AMBRA1: variants seen among roughly 807,000 people sequenced by gnomAD.
The protein encoded by AMBRA1 is activating molecule in BECN1-regulated autophagy protein 1.
A neutral mutation model predicts 125.4 loss-of-function variants in AMBRA1; 47 were observed. That is an observed-to-expected ratio of 0.37 (90% CI 0.30 to 0.48). AMBRA1 has a LOEUF of 0.48. AMBRA1 is among the 20% of genes least tolerant of loss of function. The pLI is 0.99. For missense variants in AMBRA1, 1,331 were observed against 1,693.4 expected, an observed-to-expected ratio of 0.79 and a Z score of 3.76; for synonymous variants, 626 against 655.5, an observed-to-expected ratio of 0.95 and a Z score of 0.69.
chr11:46,508,245 G>A lies in AMBRA1; in HGVS notation c.2285C>T (p.Ser762Leu). Residue 762 changes from serine to leucine, a missense_variant, in exon 9 of 18, where the codon TCA becomes TTA. Physicochemically the swap from Ser to Leu is moderately radical, Grantham distance 145. This residue lies in a region of AMBRA1 where 689 missense variants were observed against 776.5 expected (regional missense o/e 0.89). Coordinates refer to ENST00000683756, the MANE Select transcript of AMBRA1 (RefSeq NM_001387011.1). The part of the protein sequence containing the change: ...RLRSSTSSSS[S>L]DNQGPSVEGT... Reference sequence around the variant, plus strand: ...CTCTACTGATGGACCCTGGTTGTCTGAGGAAGAGGAGGAGGTGGAAGAACG... The same window carrying A: ...CTCTACTGATGGACCCTGGTTGTCTAAGGAAGAGGAGGAGGTGGAAGAACG... 2 of 1,614,218 alleles carry A rather than the reference G, an allele frequency of 1.2e-6. No homozygotes were observed. Among genetic ancestry groups the A allele is most frequent in the Non-Finnish European group, 1.7e-6 (2 of 1,180,020 alleles).
chr11:46,413,551 T>C (rs905625060), intron 15 of AMBRA1, among the ~76,000 whole-genome samples: 1 of 152,166 alleles, frequency 6.6e-6, no homozygotes, highest in African/African-American at 2.4e-5. Context: ...AGTGCAATGG[T>C]GTGATCTCGG....
intron 17 of AMBRA1, among the ~76,000 whole-genome samples, chr11:46,400,474 T>TG (rs149730071): frequency 1.1e-4 from 4 of 36,384 alleles, no homozygotes; most frequent in African/African-American, 5.2e-4. Context: ...CTTTCTATAG[T>TG]TTTTTTTTTT....
chr11:46,494,756 T>A (rs192006218), intron 9 of AMBRA1: 1 of 153,230 alleles, frequency 6.5e-6, no homozygotes, highest in Admixed American at 6.5e-5. Context: ...GACAGTACCT[T>A]CTTTTACAGA....
chr11:46,489,546 G>GT (rs1950392597), intron 11 of AMBRA1, among the ~76,000 whole-genome samples: 1 of 152,230 alleles, frequency 6.6e-6, no homozygotes, highest in African/African-American at 2.4e-5. Context: ...GGACCAGGCC[G>GT]TAATGACCTG....
rs535035109 is a variant in AMBRA1 at position 46,437,284 on chromosome 11, A to G, written c.2633-2247T>C. On this transcript the variant is annotated intron_variant, in intron 12 of 17. Coordinates refer to ENST00000683756, the MANE Select transcript of AMBRA1 (RefSeq NM_001387011.1). Reference sequence around the variant, plus strand: ...GCCACTGTGCTTGCATTTGTATTATATGATGACGATTCCAAGTCAATAGCT... The same window carrying G: ...GCCACTGTGCTTGCATTTGTATTATGTGATGACGATTCCAAGTCAATAGCT... Among the ~76,000 whole-genome samples, 3 of 152,332 alleles carry G rather than the reference A, an allele frequency of 2.0e-5. No homozygotes were observed. The South Asian group carries it at 6.2e-4, about 32-fold the overall frequency.
rs1400791645 is a variant in AMBRA1, at chr11:46,508,218, C to G, written c.2312G>C (p.Gly771Ala). 6.2e-7 allele frequency: 1 copy of G among 1,614,108 alleles called. No individual in the cohort carries two copies. Among genetic ancestry groups the G allele is most frequent in the Non-Finnish European group, 8.5e-7 (1 of 1,179,990 alleles). ...SSDNQGPSVE[G>A]TDLEFEDFED... ...AAAGTCCTCAAATTCCAAGTCGGTT[C>G]CCTCTACTGATGGACCCTGGTTGTC... Residue 771 changes from glycine (G) to alanine (A), a missense_variant, in exon 9 of 18, where the codon GGA becomes GCA. Coordinates refer to ENST00000683756, the MANE Select transcript of AMBRA1 (RefSeq NM_001387011.1).
chr11:46,541,016 T>G (rs1049413110), intron 7 of AMBRA1, among the ~76,000 whole-genome samples: 6 of 152,242 alleles, frequency 3.9e-5, no homozygotes, highest in Admixed American at 6.5e-5. Flanking sequence ...TAGAAGCTTA[T>G]GTCAGAGAAA....
At chr11:46,565,993 T>G (rs2135255886) in intron 1 of AMBRA1, among the ~76,000 whole-genome samples, 1 of 152,220 alleles carries the variant, frequency 6.6e-6, no homozygotes, top group Admixed American at 6.5e-5. Flanking sequence ...CAAAGCAATC[T>G]GCCAGCCTCA....
chr11:46,465,939 C>CCT lies in AMBRA1; in HGVS notation c.2522-22343_2522-22342dup, dbSNP rs1422938960. ...AAACAGATAAAGCCTTGGCCTTCAA[C>CCT]CTCACTAAGGCTGACAAAGATACAC... On this transcript the variant is annotated intron_variant, in intron 11 of 17. Transcript: ENST00000683756. Among the ~76,000 whole-genome samples, 8 of 152,332 alleles carry CCT rather than the reference C, an allele frequency of 5.3e-5. No individual in the cohort carries two copies. The South Asian group carries it at 6.2e-4, about 12-fold the overall frequency.
At chr11:46,436,297 TGA>T (rs1326717747) in intron 12 of AMBRA1, among the ~76,000 whole-genome samples, 2 of 152,138 alleles carry the variant, frequency 1.3e-5, no homozygotes, top group Non-Finnish European at 2.9e-5. Flanking sequence ...TACTTAAGAG[TGA>T]TTTGTAAAAC....
intron 11 of AMBRA1, among the ~76,000 whole-genome samples, chr11:46,468,371 C>T (rs1002848118): frequency 1.3e-5 from 2 of 151,440 alleles, no homozygotes; most frequent in Non-Finnish European, 2.9e-5. Context: ...GAGACCTCAT[C>T]TCTTGAAAAA....
At position 46,397,441 on chromosome 11, in the gene AMBRA1, C is replaced by A; in HGVS notation, c.*9G>T. 6.7e-7 allele frequency: 1 copy of A among 1,487,814 alleles called. No homozygotes were observed. The highest frequency in any genetic ancestry group is 9.0e-7 in the Non-Finnish European group (1 of 1,116,604). 92.2% of individuals were successfully genotyped at this position (1,487,814 alleles called of 1,614,324 possible). A position where few individuals can be genotyped will look rare whatever the true frequency, so the allele number is the denominator to read the frequency against. ...GGTTCGAGGGGAGGCACCAGTGCAA[C>A]GTTTGTCTCTACCTGTTCCGTGGTT... On this transcript the variant is annotated 3_prime_UTR_variant, in exon 18 of 18. Coordinates refer to ENST00000683756, the MANE Select transcript of AMBRA1 (RefSeq NM_001387011.1).
intron 11 of AMBRA1, among the ~76,000 whole-genome samples, chr11:46,444,275 C>T (rs1025140804): frequency 6.6e-6 from 1 of 152,180 alleles, no homozygotes; most frequent in South Asian, 2.1e-4. Flanking sequence ...ATACCTACCC[C>T]CTAAGAACCT....
At chr11:46,437,968 C>T (rs1163034036) in intron 12 of AMBRA1, among the ~76,000 whole-genome samples, 1 of 152,142 alleles carries the variant, frequency 6.6e-6, no homozygotes, top group East Asian at 1.9e-4. Context: ...TATTAAAACA[C>T]AGAATGCTGG....
intron 11 of AMBRA1, among the ~76,000 whole-genome samples, chr11:46,444,051 C>CT (rs1342040684): frequency 1.3e-5 from 2 of 152,030 alleles, no homozygotes; most frequent in Non-Finnish European, 2.9e-5. Flanking sequence ...GTATCTCCTC[C>CT]TTTATCACTT....
At chr11:46,536,202 T>C (rs984172137) in intron 7 of AMBRA1, among the ~76,000 whole-genome samples, 1 of 152,254 alleles carries the variant, frequency 6.6e-6, no homozygotes, top group African/African-American at 2.4e-5. Flanking sequence ...TAACATTTAC[T>C]GAGCATCTAC....
chr11:46,429,297 C>G (rs1040742732), intron 14 of AMBRA1: 7 of 719,234 alleles, frequency 9.7e-6, no homozygotes, highest in Non-Finnish European at 1.6e-5. Context: ...GAGAGAGGCC[C>G]CCTGCCCGCA....
chr11:46,429,136 C>T lies in AMBRA1; in HGVS notation c.2976+4338G>A, dbSNP rs576431222. On this transcript the variant is annotated intron_variant, in intron 14 of 17. Coordinates refer to ENST00000683756, the MANE Select transcript of AMBRA1 (RefSeq NM_001387011.1). The stretch of plus-strand genomic sequence containing the variant: ...GTTCATAAATGGCAATCCGGTTCTT[C>T]TTAGGCATCAACATCTGGCAGGTCT... 11 of 1,594,540 alleles carry T rather than the reference C, an allele frequency of 6.9e-6. No individual in the cohort carries two copies. In the East Asian group the frequency reaches 2.2e-4, roughly 32 times the overall value.
chr11:46,438,392 G>C (rs1381985341), intron 12 of AMBRA1, among the ~76,000 whole-genome samples: 2 of 152,216 alleles, frequency 1.3e-5, no homozygotes, highest in African/African-American at 4.8e-5. Context: ...TGGAGGAGCA[G>C]ATGGCTCTGC....
Sources: allele counts gnomAD v4.1 joint callset (sites outside exome capture counted in the v4.1 genomes callset), GRCh38; gene constraint gnomAD v4.1.1; regional missense constraint gnomAD v4.1.1; transcripts MANE v1.5; gene names NCBI Gene and HGNC (gene_info 2026-07-23, HGNC 2026-07-21).